APP: variants seen among roughly 807,000 people sequenced by gnomAD.
APP encodes amyloid beta precursor protein.
Under a neutral mutation model 101.4 loss-of-function variants are expected in APP, and 31 were observed. That is an observed-to-expected ratio of 0.31 (90% confidence interval 0.23 to 0.41). APP has a LOEUF of 0.41. Among genes scored for constraint, APP ranks in the 10% least tolerant of loss-of-function variants. The probability of loss-of-function intolerance (pLI) is 1.00; values close to 1 mark genes in which losing one functional copy is unlikely to be tolerated. For missense variants in APP, 839 were observed against 1,003.7 expected, an observed-to-expected ratio of 0.84 and a Z score of 2.22; for synonymous variants, 366 against 364.4, an observed-to-expected ratio of 1.00 and a Z score of -0.05.
At chr21:25,904,983 G>A in intron 15 of APP, 41 bp downstream of exon 15, 3 of 1,583,416 alleles carry the variant, frequency 1.9e-6, no homozygotes, top group Non-Finnish European at 2.6e-6. Flanking sequence ...TCGAGCTTAG[G>A]CCCAAGATGC....
chr21:25,920,232 A>G, intron 13 of APP, among the ~76,000 whole-genome samples: 1 of 152,176 alleles, frequency 6.6e-6, no homozygotes, highest in Non-Finnish European at 1.5e-5. Flanking sequence ...AGGAAGCACT[A>G]AACATGCAAA....
At position 25,927,862 on chromosome 21, in the gene APP, C is replaced by T. The variant is rs1223108322; in HGVS notation, c.1688-15900G>A. Among the ~76,000 whole-genome samples the T allele has an allele frequency of 2.0e-5, 3 of 152,296 alleles. No homozygotes were observed. In the East Asian group the frequency reaches 5.8e-4, roughly 29 times the overall value. On this transcript the variant is annotated intron_variant, in intron 13 of 17. Coordinates refer to ENST00000346798, the MANE Select transcript of APP (RefSeq NM_000484.4). Reference sequence around the variant, plus strand: ...AACATCATAGATCAAAGAACTTAGACCTACCAGTGGCATCAGTCAGTAATC... The same window carrying T: ...AACATCATAGATCAAAGAACTTAGATCTACCAGTGGCATCAGTCAGTAATC...
Position 25,900,112 on chromosome 21 carries a change from G to GGT in APP, c.1964-2441_1964-2440dup, listed in dbSNP as rs529530066. Among the ~76,000 whole-genome samples the GGT allele has an allele frequency of 2.5e-3, 382 of 151,984 alleles. 4 individuals carry two copies. The highest frequency in any genetic ancestry group is 8.6e-3 in the African/African-American group (358 of 41,486). On this transcript the variant is annotated intron_variant, in intron 15 of 17. Transcript: ENST00000346798. ...ACCTTTCTGACACTTATTTTTATAG[G>GGT]GTAGTGATGCTAAAACTCTCTTAAT... is the stretch of plus-strand genomic sequence containing the variant.
chr21:26,125,782 T>C (rs2062670766), intron 1 of APP, among the ~76,000 whole-genome samples: 2 of 152,352 alleles, frequency 1.3e-5, no homozygotes, highest in South Asian at 2.1e-4. Context: ...AGAGTCAATC[T>C]GGCAGAGCAA....
At position 26,050,994 on chromosome 21, in the gene APP, C is replaced by A. The variant is rs2045814201; in HGVS notation, c.662+6G>T. 1 of 1,614,110 alleles carries A rather than the reference C, an allele frequency of 6.2e-7. No homozygotes were observed. The highest frequency in any genetic ancestry group is 8.5e-7 in the Non-Finnish European group (1 of 1,180,012). Reference sequence around the variant, plus strand: ...TCTCTGAGGCTGAACACAAAGGCCACCTTACCTCCCATCTGCATAGTCTGT... The same window carrying A: ...TCTCTGAGGCTGAACACAAAGGCCAACTTACCTCCCATCTGCATAGTCTGT... On this transcript the variant is annotated splice_donor_region_variant and intron_variant, in intron 5 of 17. Transcript: ENST00000346798.
At chr21:26,128,526 G>C (rs1317706582) in intron 1 of APP, among the ~76,000 whole-genome samples, 1 of 152,162 alleles carries the variant, frequency 6.6e-6, no homozygotes, top group Non-Finnish European at 1.5e-5. Context: ...CACTAGTAAT[G>C]TATACTCAAA....
intron 2 of APP, among the ~76,000 whole-genome samples, chr21:26,097,011 T>C (rs2061957274): frequency 6.6e-6 from 1 of 152,202 alleles, no homozygotes; most frequent in Non-Finnish European, 1.5e-5. Context: ...GGATGTGCAT[T>C]TGGATTCTAG....
intron 8 of APP, chr21:25,997,061 G>T (rs1450284635): frequency 7.5e-6 from 3 of 399,110 alleles, no homozygotes; most frequent in Non-Finnish European, 1.4e-5. Flanking sequence ...AAATAAAATA[G>T]TAATGGCAAA....
chr21:26,138,592 C>T lies in APP; in HGVS notation c.58-26446G>A, dbSNP rs1054069900. Among the ~76,000 whole-genome samples the T allele has an allele frequency of 5.3e-5, 8 of 151,690 alleles. No homozygotes were observed. In the East Asian group the frequency reaches 1.6e-3, roughly 29 times the overall value. ...CCTGTAGTCCTAGCTACTTAGGAGGCTGAGGCGGGAGGATCGCTTGAGACA... is the reference window on the plus strand; with the variant it reads ...CCTGTAGTCCTAGCTACTTAGGAGGTTGAGGCGGGAGGATCGCTTGAGACA... On this transcript the variant is annotated intron_variant, in intron 1 of 17. Coordinates refer to ENST00000346798, the MANE Select transcript of APP (RefSeq NM_000484.4).
intron 6 of APP, among the ~76,000 whole-genome samples, chr21:26,019,080 A>C (rs893304134): frequency 1.3e-5 from 2 of 152,240 alleles, no homozygotes; most frequent in African/African-American, 4.8e-5. Context: ...GTACTGCATA[A>C]CTGATGTCAC....
intron 2 of APP, among the ~76,000 whole-genome samples, chr21:26,097,876 C>A (rs1032928009): frequency 2.0e-5 from 3 of 151,898 alleles, no homozygotes; most frequent in African/African-American, 7.3e-5. Context: ...GTCAGTAGAT[C>A]GAGACCATCC....
chr21:26,159,343 T>G (rs909251313), intron 1 of APP, among the ~76,000 whole-genome samples: 1 of 152,216 alleles, frequency 6.6e-6, no homozygotes, highest in Non-Finnish European at 1.5e-5. Context: ...CCTCCCAAAG[T>G]GCTGGGATTA....
intron 11 of APP, among the ~76,000 whole-genome samples, chr21:25,966,664 ATATATTT>A (rs1481754684): frequency 1.6e-4 from 24 of 152,224 alleles, no homozygotes; most frequent in African/African-American, 5.5e-4. Flanking sequence ...TGCTATATAC[ATATATTT>A]TATAAGATAA....
chr21:26,161,547 G>A (rs1401583433), intron 1 of APP, among the ~76,000 whole-genome samples: 2 of 151,998 alleles, frequency 1.3e-5, no homozygotes, highest in African/African-American at 4.8e-5. Flanking sequence ...AAGAATCTAG[G>A]TTTCTTTGTG....
intron 13 of APP, among the ~76,000 whole-genome samples, chr21:25,952,378 G>GT (rs10671026): frequency 0.87 from 129,509 of 148,824 alleles, 56,685 homozygotes; most frequent in Non-Finnish European, 0.93. Context: ...CCTAATGGCT[G>GT]TTTTTTTTTT....
At chr21:26,166,940 GTGTGTGTGTGTGTC>G (rs1301428880) in intron 1 of APP, among the ~76,000 whole-genome samples, 1 of 152,040 alleles carries the variant, frequency 6.6e-6, no homozygotes, top group East Asian at 1.9e-4. Flanking sequence ...GTGTGTGTGT[GTGTGTGTGTGTGTC>G]TGTCTGTCTG....
At chr21:26,140,492 T>G in intron 1 of APP, 1 of 658,680 alleles carries the variant, frequency 1.5e-6, no homozygotes, top group Non-Finnish European at 2.2e-6. Context: ...TTTCCTTTTG[T>G]AGGATTTTCT....
chr21:26,097,153 A>G (rs2061960250), intron 2 of APP, among the ~76,000 whole-genome samples: 1 of 152,166 alleles, frequency 6.6e-6, no homozygotes, highest in African/African-American at 2.4e-5. Context: ...TTCCCACCAC[A>G]TGATGCCCTC....
At chr21:25,945,013 G>A (rs563608201) in intron 13 of APP, among the ~76,000 whole-genome samples, 9 of 152,290 alleles carry the variant, frequency 5.9e-5, no homozygotes, top group East Asian at 3.9e-4. Context: ...CAAAAGAAAC[G>A]GCAGACTTTG....
Sources: gnomAD v4.1 joint callset for allele counts (sites outside exome capture counted in the v4.1 genomes callset) on GRCh38, gnomAD v4.1.1 for gene constraint, MANE v1.5 for transcripts, NCBI Gene and HGNC (gene_info 2026-07-23, HGNC 2026-07-21) for gene names.